TMED8: variants seen among roughly 807,000 people sequenced by gnomAD.
TMED8 encodes protein TMED8.
In TMED8, 15 loss-of-function variants were observed where a neutral mutation model predicts 32.7. That is an observed-to-expected ratio of 0.46 (90% CI 0.31 to 0.71). The LOEUF is 0.71. TMED8 is among the 30% of genes least tolerant of loss of function. The probability of loss-of-function intolerance (pLI) is 0.06; values close to 1 mark genes in which losing one functional copy is unlikely to be tolerated. For synonymous variants in TMED8, 147 were observed against 161.4 expected (o/e 0.91, Z 0.68); for missense variants, 390 against 423.9 (o/e 0.92, Z 0.70).
chr14:77,340,107 A>C lies in TMED8; in HGVS notation c.*1664T>G, dbSNP rs915821295. ...AATTCCTCTGCACTCAATCTCCAGC[A>C]AATGGGCAGATTCCCTCACAACTTA... On this transcript the variant is annotated 3_prime_UTR_variant, in exon 6 of 6. Coordinates refer to ENST00000216468, the MANE Select transcript of TMED8 (RefSeq NM_213601.3). 6.6e-6 allele frequency: 1 copy of C among 152,244 alleles called. No homozygotes were observed. Among genetic ancestry groups the C allele is most frequent in the African/African-American group, 2.4e-5 (1 of 41,464 alleles). 9.4% of individuals were successfully genotyped at this position (152,244 alleles called of 1,614,324 possible).
At chr14:77,342,864 T>A (rs138616799) in intron 5 of TMED8, among the ~76,000 whole-genome samples, 2 of 152,344 alleles carry the variant, frequency 1.3e-5, no homozygotes, top group East Asian at 1.9e-4. Flanking sequence ...CTGGCTTACA[T>A]GCGACCTGAA....
chr14:77,369,940 G>A (rs561884166), intron 1 of TMED8, among the ~76,000 whole-genome samples: 5 of 152,200 alleles, frequency 3.3e-5, no homozygotes, highest in African/African-American at 9.6e-5. Context: ...CGGGAGGGCC[G>A]AGGCGGGCAG....
intron 1 of TMED8, among the ~76,000 whole-genome samples, chr14:77,356,068 G>A (rs2160840): frequency 0.22 from 34,165 of 152,194 alleles, 4,054 homozygotes; most frequent in Admixed American, 0.29. Flanking sequence ...ACAGACCAGA[G>A]AGGCTACTTT....
intron 2 of TMED8, among the ~76,000 whole-genome samples, chr14:77,348,347 C>T (rs891745382): frequency 2.6e-5 from 4 of 151,986 alleles, no homozygotes; most frequent in Admixed American, 6.6e-5. Flanking sequence ...CTCACCCTCC[C>T]GAGTAGCTGG....
intron 3 of TMED8, among the ~76,000 whole-genome samples, chr14:77,344,965 C>G (rs1447983212): frequency 6.6e-6 from 1 of 152,188 alleles, no homozygotes. Flanking sequence ...TCTAACAGCC[C>G]TCAGCCTCAG....
chr14:77,349,032 G>A (rs567905030), intron 2 of TMED8, among the ~76,000 whole-genome samples: 1 of 151,754 alleles, frequency 6.6e-6, no homozygotes, highest in African/African-American at 2.4e-5. Flanking sequence ...TAAGCTTGGT[G>A]GCAGGCACTG....
At chr14:77,353,459 G>C (rs529359840) in intron 1 of TMED8, among the ~76,000 whole-genome samples, 109 of 134,092 alleles carry the variant, frequency 8.1e-4, no homozygotes, top group African/African-American at 3.0e-3. Context: ...TTTTTTTGGA[G>C]GGGGACAGGG....
At chr14:77,357,029 G>T (rs1893304969) in intron 1 of TMED8, among the ~76,000 whole-genome samples, 1 of 151,792 alleles carries the variant, frequency 6.6e-6, no homozygotes, top group African/African-American at 2.4e-5. Context: ...AAATTTAAAA[G>T]AATTTAAAAT....
intron 5 of TMED8, 83 bp downstream of exon 5, chr14:77,343,092 AGAG>A: frequency 1.5e-6 from 2 of 1,322,604 alleles, no homozygotes; most frequent in Non-Finnish European, 2.1e-6. Context: ...ATTCAAAGGA[AGAG>A]GAGGACTGGT....
chr14:77,361,257 C>T (rs1480822167), intron 1 of TMED8, among the ~76,000 whole-genome samples: 1 of 152,190 alleles, frequency 6.6e-6, no homozygotes, highest in African/African-American at 2.4e-5. Context: ...GCTGGGATTA[C>T]AGGCATGAGC....
chr14:77,356,019 G>C (rs1337578923), intron 1 of TMED8, among the ~76,000 whole-genome samples: 1 of 152,132 alleles, frequency 6.6e-6, no homozygotes, highest in Non-Finnish European at 1.5e-5. Flanking sequence ...TCAAGTAAAG[G>C]GAAAGAAAAA....
In TMED8 at chr14:77,341,804, C is replaced by T; in HGVS notation, c.945G>A (p.Lys315=). The T allele has an allele frequency of 6.2e-7, 1 of 1,614,116 alleles. No homozygotes were observed. The highest frequency in any genetic ancestry group is 8.5e-7 in the Non-Finnish European group (1 of 1,180,038). ...TGTAGTAGATGTGGAAGTAGAGAGT[C>T]TTGTTGCGCAGCAGGGAGTAGGAGT... The part of the protein sequence containing the change: ...FDNSYSLLRN[K]TLYFHIYYTS Residue 315 remains lysine, a synonymous_variant, in exon 6 of 6, where the codon AAG becomes AAA. Coordinates refer to ENST00000216468, the MANE Select transcript of TMED8 (RefSeq NM_213601.3).
At chr14:77,363,192 A>G (rs1325105743) in intron 1 of TMED8, among the ~76,000 whole-genome samples, 1 of 152,216 alleles carries the variant, frequency 6.6e-6, no homozygotes, top group Non-Finnish European at 1.5e-5. Context: ...CATTCTCCAG[A>G]ATAGATCAGA....
At chr14:77,371,923 T>C (rs1893686019) in intron 1 of TMED8, among the ~76,000 whole-genome samples, 1 of 152,206 alleles carries the variant, frequency 6.6e-6, no homozygotes, top group African/African-American at 2.4e-5. Context: ...TTCTAGTATA[T>C]ATTAAGAAAA....
chr14:77,372,098 GC>G (rs1295942334), intron 1 of TMED8, among the ~76,000 whole-genome samples: 7 of 152,148 alleles, frequency 4.6e-5, no homozygotes, highest in South Asian at 4.1e-4. Flanking sequence ...TTCCTCAGTG[GC>G]CGAAATCTCG....
At chr14:77,375,276 T>G (rs1027646722) in intron 1 of TMED8, among the ~76,000 whole-genome samples, 9 of 151,696 alleles carry the variant, frequency 5.9e-5, no homozygotes, top group African/African-American at 2.2e-4. Flanking sequence ...GGAAGGAAAG[T>G]AAGCATCTCT....
intron 1 of TMED8, among the ~76,000 whole-genome samples, chr14:77,362,748 C>T (rs901718829): frequency 6.6e-6 from 1 of 152,066 alleles, no homozygotes; most frequent in African/African-American, 2.4e-5. Context: ...CTCATTTTAG[C>T]TTTAAGAACA....
intron 1 of TMED8, among the ~76,000 whole-genome samples, chr14:77,358,125 A>T (rs1893334178): frequency 2.9e-5 from 1 of 34,956 alleles, no homozygotes; most frequent in East Asian, 6.2e-4. Context: ...CTCTGTCTCC[A>T]AAAAAAAAAA....
chr14:77,358,483 G>A (rs899106966), intron 1 of TMED8, among the ~76,000 whole-genome samples: 3 of 151,896 alleles, frequency 2.0e-5, no homozygotes, highest in African/African-American at 7.3e-5. Context: ...ATTTTTAGTA[G>A]AGACAGGGTT....
Sources: allele counts gnomAD v4.1 joint callset (sites outside exome capture counted in the v4.1 genomes callset), GRCh38; gene constraint gnomAD v4.1.1; transcripts MANE v1.5; gene names NCBI Gene and HGNC (gene_info 2026-07-23, HGNC 2026-07-21).